Variants in VARS1 observed in about 807,000 individuals in gnomAD.
VARS1 encodes valyl-tRNA synthetase 1, also known as valine--tRNA ligase.
Under a neutral mutation model 161.0 loss-of-function variants are expected in VARS1, and 92 were observed. The ratio of observed to expected loss-of-function variants is 0.57; its 90% CI spans 0.48 to 0.68. VARS1 has a LOEUF of 0.68. VARS1 is among the 30% of genes least tolerant of loss of function. VARS1 has a pLI of 0.00. For synonymous variants in VARS1, 595 were observed against 682.5 expected (o/e 0.87, Z 2.00); for missense variants, 1,338 against 1,695.9 (o/e 0.79, Z 3.71).
At position 31,782,594 on chromosome 6, in the gene VARS1, C is replaced by T; in HGVS notation, c.1927G>A (p.Ala643Thr). ...RFEARKAVLV[A>T]LKERGLFRGI... ...CGGAACAGTCCCCGCTCCTTCAGCG[C>T]CACCAGCACCGCTTTCCTGGCCTCA... is the stretch of plus-strand genomic sequence containing the variant. Residue 643 changes from alanine (A) to threonine (T), a missense_variant, in exon 16 of 30, where the codon GCG (alanine) becomes ACG (threonine). This residue lies in a region of VARS1 where 902 missense variants were observed against 1,090.3 expected (regional missense o/e 0.83). Transcript: ENST00000375663. This position sits in a 1 kb window ranked among gnomAD's most constrained non-coding sequence, Gnocchi z 8.3. 6.2e-7 allele frequency: 1 copy of T among 1,613,082 alleles called. No individual in the cohort carries two copies. Among genetic ancestry groups the T allele is most frequent in the South Asian group, 1.1e-5 (1 of 91,088 alleles).
At position 31,795,165 on chromosome 6, in the gene VARS1, G is replaced by A; in HGVS notation, c.53C>T (p.Ala18Val). The A allele has an allele frequency of 6.8e-7, 1 of 1,479,072 alleles. No individual in the cohort carries two copies. 91.6% of individuals were successfully genotyped at this position (1,479,072 alleles called of 1,614,324 possible). A position where few individuals can be genotyped will look rare whatever the true frequency, so the allele number is the denominator to read the frequency against. Reference protein sequence around the residue: ...PHPDAFPSLRALIAARYGEAG... With the variant: ...PHPDAFPSLRVLIAARYGEAG... ...CTCCCCATAGCGAGCGGCTATGAGG[G>A]CTCGGAGGCTGGGGAAGGCATCTGG... Residue 18 changes from alanine to valine, a missense_variant, in exon 2 of 30, where the codon GCC becomes GTC. Physicochemically the swap from Ala to Val is moderately conservative, Grantham distance 64 (BLOSUM62 0). Transcript: ENST00000375663. This position sits in a 1 kb window ranked among gnomAD's most constrained non-coding sequence, Gnocchi z 6.9.
chr6:31,791,573 C>A lies in VARS1; in HGVS notation c.1100+37G>T. On this transcript the variant is annotated intron_variant, in intron 8 of 29. Coordinates refer to ENST00000375663, the MANE Select transcript of VARS1 (RefSeq NM_006295.3). The surrounding 1 kb of genome is among the most constrained non-coding windows in gnomAD (Gnocchi z 5.0). ...GGGAAAAGGAGAGAGCCAGACTAGG[C>A]AGAGGGAACCAGAGGAAGGTGCAGA... 6.3e-7 allele frequency: 1 copy of A among 1,581,214 alleles called. No individual in the cohort carries two copies. Among genetic ancestry groups the A allele is most frequent in the Non-Finnish European group, 8.6e-7 (1 of 1,163,626 alleles).
At position 31,782,706 on chromosome 6, in the gene VARS1, C is replaced by G; in HGVS notation, c.1887+15G>C. ...ATCTCCCTGACCCGGGCACTCTTGC[C>G]TCAGGCAGCCTCACCAGGAAAGGCG... On this transcript the variant is annotated intron_variant, in intron 15 of 29. Coordinates refer to ENST00000375663, the MANE Select transcript of VARS1 (RefSeq NM_006295.3). This position sits in a 1 kb window ranked among gnomAD's most constrained non-coding sequence, Gnocchi z 8.3. The G allele has an allele frequency of 1.2e-6, 2 of 1,613,004 alleles. No individual in the cohort carries two copies. Among genetic ancestry groups the G allele is most frequent in the Non-Finnish European group, 1.7e-6 (2 of 1,179,968 alleles).
At position 31,779,568 on chromosome 6, in the gene VARS1, G is replaced by A. The variant is rs1412202386; in HGVS notation, c.3289-32C>T. ...GGTGGAGGAGGGGGTGAGGGGGCCT[G>A]GAGGGCAGGTCAGACTCCCCTCTCC... is the stretch of plus-strand genomic sequence containing the variant. On this transcript the variant is annotated intron_variant, in intron 27 of 29. Transcript: ENST00000375663. This position sits in a 1 kb window ranked among gnomAD's most constrained non-coding sequence, Gnocchi z 9.1. 7 of 1,611,666 alleles carry A rather than the reference G, an allele frequency of 4.3e-6. No individual in the cohort carries two copies. The highest frequency in any genetic ancestry group is 5.1e-6 in the Non-Finnish European group (6 of 1,179,174).
chr6:31,786,159 C>G (rs1459806204), intron 8 of VARS1, among the ~76,000 whole-genome samples: 1 of 152,150 alleles, frequency 6.6e-6, no homozygotes, highest in South Asian at 2.1e-4. Flanking sequence ...ACTTGGAAGG[C>G]TGAGGCAGGA....
chr6:31,789,806 GTCAGGAGATCGAGACCATCCTGGCTAA>G (rs1374559343), intron 8 of VARS1, among the ~76,000 whole-genome samples: 2 of 151,984 alleles, frequency 1.3e-5, no homozygotes, highest in Non-Finnish European at 2.9e-5. Context: ...GGATCACGAG[GTCAGGAGATCGAGACCATCCTGGCTAA>G]CATGGTGAAA....
Position 31,781,856 on chromosome 6 carries a change from G to A in VARS1, c.2338C>T (p.Leu780Phe). 1.9e-6 allele frequency: 3 copies of A among 1,613,034 alleles called. No homozygotes were observed. Among genetic ancestry groups the A allele is most frequent in the Non-Finnish European group, 1.7e-6 (2 of 1,180,038 alleles). Reference sequence around the variant, plus strand: ...CAAAGCCCCGCCTTGCCTTGCTGGAGACTGATCTTGTCAGGGGACACTCCG... The same window carrying A: ...CAAAGCCCCGCCTTGCCTTGCTGGAAACTGATCTTGTCAGGGGACACTCCG... ...EFGVSPDKIS[L>F]QQDEDVLDTW... The change falls in exon 19 of 30, where the codon CTC (leucine) becomes TTC (phenylalanine). Residue 780 changes from leucine (L) to phenylalanine (F), a missense_variant. By Grantham distance (22) the Leu-to-Phe change is conservative. Transcript: ENST00000375663. The surrounding 1 kb of genome is among the most constrained non-coding windows in gnomAD (Gnocchi z 6.8).
rs529958853 is a variant in VARS1 at position 31,787,891 on chromosome 6, C to T, written c.1101-2158G>A. ...CCCAGCACTTTGGGACGCCGAGGTA[C>T]GCGAATCACGAGGTCAGGAGATCGA... On this transcript the variant is annotated intron_variant, in intron 8 of 29. Transcript: ENST00000375663. 4.6e-5 allele frequency among the ~76,000 whole-genome samples: 7 copies of T among 151,952 alleles called. No homozygotes were observed. In the South Asian group the frequency reaches 1.2e-3, roughly 27 times the overall value.
rs760627739 is a variant in VARS1, at chr6:31,784,576, G to A, written c.1467+19C>T. The A allele has an allele frequency of 5.0e-6, 8 of 1,613,278 alleles. No homozygotes were observed. The African/African-American group carries it at 6.7e-5, about 13-fold the overall frequency. ...CAGGGTAGATTGGAGATGGAGACAG[G>A]CCAGGTTGGGGGGCGCACCTCAATG... On this transcript the variant is annotated intron_variant, in intron 11 of 29. Transcript: ENST00000375663. The surrounding 1 kb of genome is among the most constrained non-coding windows in gnomAD (Gnocchi z 6.1).
intron 14 of VARS1, 27 bp downstream of exon 14, chr6:31,783,069 T>C (rs1490221540): frequency 1.9e-6 from 3 of 1,609,648 alleles, no homozygotes; most frequent in Non-Finnish European, 2.5e-6. Flanking sequence ...TCTTTTCCTC[T>C]CCCCACAGGA....
chr6:31,780,361 C>G lies in VARS1; in HGVS notation c.2925+80G>C, dbSNP rs942807823. 1.3e-6 allele frequency: 2 copies of G among 1,562,568 alleles called. No individual in the cohort carries two copies. Among genetic ancestry groups the G allele is most frequent in the Admixed American group, 3.7e-5 (2 of 54,530 alleles). On this transcript the variant is annotated intron_variant, in intron 25 of 29. Coordinates refer to ENST00000375663, the MANE Select transcript of VARS1 (RefSeq NM_006295.3). The surrounding 1 kb of genome is among the most constrained non-coding windows in gnomAD (Gnocchi z 5.1). ...GTCTGTCTCTGTGTCTATCTGTCCC[C>G]CCAGCTACATGGAGGCTGCTCCGGA...
Position 31,780,869 on chromosome 6 carries a change from C to T in VARS1, c.2718+1G>A, listed in dbSNP as rs1242855091. On this transcript the variant is annotated splice_donor_variant, in intron 23 of 29. Transcript: ENST00000375663. LOFTEE classifies it high-confidence loss of function. The surrounding 1 kb of genome is among the most constrained non-coding windows in gnomAD (Gnocchi z 5.1). ...GCTTAGCCCAGCCCAACCCTCCATA[C>T]CTGCCCTTCTTTGGCCTTCTCCACC... is the stretch of plus-strand genomic sequence containing the variant. 1 of 1,614,222 alleles carries T rather than the reference C, an allele frequency of 6.2e-7. No homozygotes were observed. Among genetic ancestry groups the T allele is most frequent in the Non-Finnish European group, 8.5e-7 (1 of 1,180,034 alleles).
In VARS1 at chr6:31,788,379, A is replaced by G. The variant is rs368531570; in HGVS notation, c.1101-2646T>C. On this transcript the variant is annotated intron_variant, in intron 8 of 29. Transcript: ENST00000375663. ...GCCAGGTGTGGTGGCATGCGCCTGT[A>G]ATCCCAGCTACTCAGAAGGCTGAGG... Among the ~76,000 whole-genome samples, 8 of 151,782 alleles carry G rather than the reference A, an allele frequency of 5.3e-5. No homozygotes were observed. In the East Asian group the frequency reaches 1.6e-3, roughly 30 times the overall value.
Position 31,781,998 on chromosome 6 carries a change from G to A in VARS1, c.2242-46C>T, listed in dbSNP as rs780328097. 7 of 1,612,394 alleles carry A rather than the reference G, an allele frequency of 4.3e-6. No individual in the cohort carries two copies. The highest frequency in any genetic ancestry group is 2.2e-5 in the South Asian group (2 of 91,062). ...ACCCAAGGGGGTGTGTCTGCTTCTG[G>A]CTCACCCTGCCCCTCCCCCCACCAA... On this transcript the variant is annotated intron_variant, in intron 18 of 29. Transcript: ENST00000375663. This position sits in a 1 kb window ranked among gnomAD's most constrained non-coding sequence, Gnocchi z 6.8.
chr6:31,790,543 G>A (rs901624640), intron 8 of VARS1, among the ~76,000 whole-genome samples: 8 of 147,690 alleles, frequency 5.4e-5, no homozygotes, highest in Admixed American at 1.4e-4. Flanking sequence ...TGGAGGTTGC[G>A]GTGAGCCGAG....
chr6:31,792,649 C>T (rs1813957763), intron 4 of VARS1, 108 bp downstream of exon 4: 10 of 1,593,512 alleles, frequency 6.3e-6, no homozygotes, highest in African/African-American at 2.7e-5. Flanking sequence ...CCTCCTCTCC[C>T]GCAGGACCCT....
At chr6:31,789,073 T>C (rs1813705326) in intron 8 of VARS1, among the ~76,000 whole-genome samples, 2 of 152,042 alleles carry the variant, frequency 1.3e-5, no homozygotes, top group South Asian at 2.1e-4. Flanking sequence ...AAAAGATTTG[T>C]CACCTAGAAT....
At position 31,779,519 on chromosome 6, in the gene VARS1, G is replaced by A. The variant is rs776018811; in HGVS notation, c.3306C>T (p.Pro1102=). The stretch of plus-strand genomic sequence containing the variant: ...CCAGCTCAAGGGCGGCTTCTGCCTC[G>A]GGGTCCTTCCAGGAGCACTGTGGGG... ...PEPSECSWKD[P]EAEAALELAL... is the part of the protein sequence containing the mutation. Residue 1102 remains proline (P), a synonymous_variant, in exon 28 of 30, where the codon CCC becomes CCT. Coordinates refer to ENST00000375663, the MANE Select transcript of VARS1 (RefSeq NM_006295.3). The surrounding 1 kb of genome is among the most constrained non-coding windows in gnomAD (Gnocchi z 9.1). 6.8e-6 allele frequency: 11 copies of A among 1,612,610 alleles called. No individual in the cohort carries two copies. Among genetic ancestry groups the A allele is most frequent in the African/African-American group, 2.7e-5 (2 of 74,896 alleles).
Position 31,780,309 on chromosome 6 carries a change from C to T in VARS1, c.2925+132G>A. 1 of 1,514,874 alleles carries T rather than the reference C, an allele frequency of 6.6e-7. No homozygotes were observed. Among genetic ancestry groups the T allele is most frequent in the Non-Finnish European group, 8.9e-7 (1 of 1,128,166 alleles). 93.8% of individuals were successfully genotyped at this position (1,514,874 alleles called of 1,614,324 possible). ...GGGAAGAAGTGACAGGCCCCAGCCC[C>T]CAATGCGCTGGGCTTTCCCTTTAAC... On this transcript the variant is annotated intron_variant, in intron 25 of 29. Coordinates refer to ENST00000375663, the MANE Select transcript of VARS1 (RefSeq NM_006295.3). The surrounding 1 kb of genome is among the most constrained non-coding windows in gnomAD (Gnocchi z 5.1).
Sources: allele counts gnomAD v4.1 joint callset (sites outside exome capture counted in the v4.1 genomes callset), GRCh38; gene constraint gnomAD v4.1.1; regional missense constraint gnomAD v4.1.1; non-coding constraint Gnocchi (gnomAD v3.1); transcripts MANE v1.5; gene names NCBI Gene and HGNC (gene_info 2026-07-23, HGNC 2026-07-21).